ACCSL: variants seen among roughly 807,000 people sequenced by gnomAD.
ACCSL encodes 1-aminocyclopropane-1-carboxylate synthase homolog (inactive) like, also known as probable inactive 1-aminocyclopropane-1-carboxylate synthase-like protein 2.
ACCSL carries 55 observed loss-of-function variants against 61.7 expected under a neutral mutation model. The observed-to-expected ratio is 0.89, with a 90% CI of 0.72 to 1.12. ACCSL has a LOEUF of 1.12. ACCSL is among the 50% of genes most tolerant of loss of function. The pLI, the probability that ACCSL is intolerant of heterozygous loss-of-function variation, is 0.00. For synonymous variants in ACCSL, 258 were observed against 264.3 expected (o/e 0.98, Z 0.23); for missense variants, 632 against 698.0 (o/e 0.91, Z 1.07).
At chr11:43,963,654 C>G in the ACCSL span, among the ~76,000 whole-genome samples, 2 of 152,206 alleles carry the variant, frequency 1.3e-5, no homozygotes, top group Admixed American at 1.3e-4. Context: ...TGTGCTACAG[C>G]AGAACTGCCT....
the ACCSL span, among the ~76,000 whole-genome samples, chr11:43,976,391 C>T: frequency 6.6e-6 from 1 of 152,196 alleles, no homozygotes; most frequent in African/African-American, 2.4e-5. Flanking sequence ...TATGTATATG[C>T]ATTCTACTTA....
Position 44,050,104 on chromosome 11 carries a change from G to A in ACCSL, c.547G>A (p.Asp183Asn), listed in dbSNP as rs1446145376. 1 of 1,614,094 alleles carries A rather than the reference G, an allele frequency of 6.2e-7. No homozygotes were observed. Among genetic ancestry groups the A allele is most frequent in the Non-Finnish European group, 8.5e-7 (1 of 1,179,944 alleles). The change falls in exon 2 of 14, where the codon GAT (aspartate) becomes AAT (asparagine). Residue 183 changes from aspartate (D) to asparagine (N), a missense_variant. By Grantham distance (23) the Asp-to-Asn change is conservative. Transcript: ENST00000378832. ...LGTSENKLCM[D>N]LMTERLQESD... ...CACCAGTGAGAACAAGCTCTGCATG[G>A]ATCTGATGACTGAAAGAGTAAGGAT...
At chr11:43,976,384 G>A in the ACCSL span, among the ~76,000 whole-genome samples, 1 of 152,144 alleles carries the variant, frequency 6.6e-6, no homozygotes, top group African/African-American at 2.4e-5. Context: ...GGTCTTCTAT[G>A]TATATGCATT....
chr11:44,037,775 C>G, the ACCSL span, among the ~76,000 whole-genome samples: 1 of 152,178 alleles, frequency 6.6e-6, no homozygotes, highest in Admixed American at 6.5e-5. Context: ...TAAAAACTCC[C>G]TGTGTGCCTT....
the ACCSL span, among the ~76,000 whole-genome samples, chr11:43,982,031 G>A: frequency 6.6e-6 from 1 of 152,122 alleles, no homozygotes; most frequent in Non-Finnish European, 1.5e-5. Flanking sequence ...AAACTTTGGT[G>A]ACAAAACTCC....
At chr11:43,954,459 A>G in the ACCSL span, among the ~76,000 whole-genome samples, 2 of 152,200 alleles carry the variant, frequency 1.3e-5, no homozygotes, top group Non-Finnish European at 2.9e-5. Flanking sequence ...AAGGCACAAA[A>G]GATTGGTCAG....
At chr11:44,041,738 G>A in the ACCSL span, among the ~76,000 whole-genome samples, 1 of 152,172 alleles carries the variant, frequency 6.6e-6, no homozygotes, top group Admixed American at 6.5e-5. Flanking sequence ...GAGACTGCTG[G>A]TACAATGTTA....
At chr11:44,031,963 C>T in the ACCSL span, among the ~76,000 whole-genome samples, 1 of 152,200 alleles carries the variant, frequency 6.6e-6, no homozygotes, top group African/African-American at 2.4e-5. Context: ...GAAATTCCCT[C>T]AAGCTCTCTG....
the ACCSL span, among the ~76,000 whole-genome samples, chr11:44,007,871 A>G: frequency 1.3e-5 from 2 of 152,118 alleles, no homozygotes; most frequent in African/African-American, 4.8e-5. Context: ...GTTATAAGAC[A>G]GTGTTGGGGG....
the ACCSL span, among the ~76,000 whole-genome samples, chr11:43,953,283 G>A: frequency 6.6e-6 from 1 of 152,110 alleles, no homozygotes; most frequent in African/African-American, 2.4e-5. Flanking sequence ...GGGATGCCAA[G>A]GTGGATGGAT....
the ACCSL span, among the ~76,000 whole-genome samples, chr11:44,033,641 T>C: frequency 6.6e-6 from 1 of 152,058 alleles, no homozygotes. Context: ...ATAGTGTCAA[T>C]GGAAAATGAA....
the ACCSL span, among the ~76,000 whole-genome samples, chr11:43,961,924 T>C: frequency 6.6e-6 from 1 of 152,228 alleles, no homozygotes; most frequent in Admixed American, 6.5e-5. Context: ...TTAAACTCAC[T>C]AGAACTCTGT....
At chr11:43,996,397 A>T in the ACCSL span, among the ~76,000 whole-genome samples, 1 of 152,126 alleles carries the variant, frequency 6.6e-6, no homozygotes, top group African/African-American at 2.4e-5. Flanking sequence ...TGTCGCAGGG[A>T]GATTGCCACG....
chr11:43,948,719 C>T, the ACCSL span, among the ~76,000 whole-genome samples: 1 of 152,126 alleles, frequency 6.6e-6, no homozygotes, highest in Non-Finnish European at 1.5e-5. Context: ...AGCAACCCTC[C>T]CACCTCAGCC....
chr11:43,993,705 C>A, the ACCSL span, among the ~76,000 whole-genome samples: 3 of 152,164 alleles, frequency 2.0e-5, no homozygotes, highest in African/African-American at 7.2e-5. Flanking sequence ...CTGCCTGCCC[C>A]CTTCTGTGCA....
rs1331575233 is a variant in ACCSL at position 44,058,436 on chromosome 11, T to C, written c.1447T>C (p.Tyr483His). Residue 483 changes from tyrosine (Y) to histidine (H), a missense_variant, in exon 12 of 14, where the codon TAT becomes CAT. Physicochemically the swap from Tyr to His is moderately conservative, Grantham distance 83. Coordinates refer to ENST00000378832, the MANE Select transcript of ACCSL (RefSeq NM_001031854.2). ...TTTTCACAACCGCAGCTCTGGCCTCTATGTCTGGATCAACTTGAAAAAGGT... is the reference window on the plus strand; with the variant it reads ...TTTTCACAACCGCAGCTCTGGCCTCCATGTCTGGATCAACTTGAAAAAGGT... ...IPFHNRSSGLYVWINLKKYLD... is the reference protein window; with the variant it reads ...IPFHNRSSGLHVWINLKKYLD... 6.2e-7 allele frequency: 1 copy of C among 1,614,184 alleles called. No individual in the cohort carries two copies. The highest frequency in any genetic ancestry group is 8.5e-7 in the Non-Finnish European group (1 of 1,180,030).
chr11:44,047,666 C>T (rs1590426950), upstream of ACCSL, among the ~76,000 whole-genome samples: 2 of 152,182 alleles, frequency 1.3e-5, no homozygotes, highest in Non-Finnish European at 2.9e-5. Flanking sequence ...GCAGTAGAAA[C>T]CCTTTTTTCC....
chr11:44,037,577 T>C, the ACCSL span, among the ~76,000 whole-genome samples: 2 of 152,214 alleles, frequency 1.3e-5, no homozygotes, highest in Non-Finnish European at 2.9e-5. Flanking sequence ...AAATCCGTGT[T>C]ACAGCTGCTG....
rs1952697749 is a variant in ACCSL, at chr11:44,059,964, A to G, written c.*44A>G. Reference sequence around the variant, plus strand: ...AGCAGTTCCAGCCCATCACTTGCTCAGGGACCCCCTAATGTCAGCCTCTGG... The same window carrying G: ...AGCAGTTCCAGCCCATCACTTGCTCGGGGACCCCCTAATGTCAGCCTCTGG... On this transcript the variant is annotated 3_prime_UTR_variant, in exon 14 of 14. Transcript: ENST00000378832. 1 of 1,574,880 alleles carries G rather than the reference A, an allele frequency of 6.3e-7. No individual in the cohort carries two copies. Among genetic ancestry groups the G allele is most frequent in the African/African-American group, 1.3e-5 (1 of 74,152 alleles).
Sources: gnomAD v4.1 joint callset for allele counts (sites outside exome capture counted in the v4.1 genomes callset) on GRCh38, gnomAD v4.1.1 for gene constraint, MANE v1.5 for transcripts, NCBI Gene and HGNC (gene_info 2026-07-23, HGNC 2026-07-21) for gene names.